Variants in MBNL1 observed in about 807,000 individuals in gnomAD.
MBNL1 encodes the protein muscleblind-like protein 1.
Under a neutral mutation model 42.2 loss-of-function variants are expected in MBNL1, and 8 were observed. The ratio of observed to expected loss-of-function variants is 0.19; its 90% CI spans 0.11 to 0.34. MBNL1 has a LOEUF of 0.34. MBNL1 is among the 10% of genes least tolerant of loss of function. MBNL1 has a pLI of 1.00. For missense variants in MBNL1, 309 were observed against 495.3 expected, an observed-to-expected ratio of 0.62 and a Z score of 3.57; for synonymous variants, 169 against 173.9, an observed-to-expected ratio of 0.97 and a Z score of 0.22.
At chr3:152,357,027 A>G (rs1378240628) in intron 2 of MBNL1, among the ~76,000 whole-genome samples, 1 of 152,094 alleles carries the variant, frequency 6.6e-6, no homozygotes, top group African/African-American at 2.4e-5. Context: ...CCAATTCACC[A>G]TGCTATTGAC....
chr3:152,277,705 A>T (rs2046095695), intron 1 of MBNL1, among the ~76,000 whole-genome samples: 1 of 152,136 alleles, frequency 6.6e-6, no homozygotes, highest in South Asian at 2.1e-4. Context: ...AGCTTTTTAC[A>T]AATAAATGGT....
chr3:152,410,645 A>G (rs963631843), intron 2 of MBNL1, among the ~76,000 whole-genome samples: 2 of 152,266 alleles, frequency 1.3e-5, no homozygotes, highest in African/African-American at 4.8e-5. Context: ...AAAAACCTCA[A>G]TTACTTTTCC....
chr3:152,314,269 A>G (rs1388321571), intron 2 of MBNL1, among the ~76,000 whole-genome samples: 1 of 151,116 alleles, frequency 6.6e-6, no homozygotes, highest in Non-Finnish European at 1.5e-5. Flanking sequence ...ATCCAAATCC[A>G]TAATACTCTG....
At chr3:152,447,495 G>C (rs1043900340) in intron 5 of MBNL1, 125 bp from the exon 6 acceptor site, 5 of 427,022 alleles carry the variant, frequency 1.2e-5, no homozygotes, top group Non-Finnish European at 2.1e-5. Flanking sequence ...TTTTTCCCTC[G>C]GGTAGTTAAG....
At chr3:152,383,794 C>CA (rs2097289188) in intron 2 of MBNL1, among the ~76,000 whole-genome samples, 1 of 151,976 alleles carries the variant, frequency 6.6e-6, no homozygotes, top group East Asian at 1.9e-4. Context: ...TAACACCTAG[C>CA]AAAAATGATT....
rs1206840185 is a variant in MBNL1, at chr3:152,386,391, T to C, written c.175-28550T>C. 2.0e-5 allele frequency among the ~76,000 whole-genome samples: 3 copies of C among 152,096 alleles called. No individual in the cohort carries two copies. The East Asian group carries it at 5.8e-4, about 29-fold the overall frequency. ...GAAGAGATAACATAACCTGTTCATA[T>C]TTTTCATAGAACATATTAAAGCCTG... On this transcript the variant is annotated intron_variant, in intron 2 of 9. Coordinates refer to ENST00000324210, the MANE Select transcript of MBNL1 (RefSeq NM_021038.5).
At chr3:152,289,618 CTTG>C (rs1014211386) in intron 1 of MBNL1, among the ~76,000 whole-genome samples, 20 of 151,870 alleles carry the variant, frequency 1.3e-4, no homozygotes, top group Admixed American at 9.8e-4. Context: ...ACTGATATAT[CTTG>C]TTATGAAGAA....
rs1749210127 is a variant in MBNL1 at position 152,464,294 on chromosome 3, C to G, written c.*1928C>G. The stretch of plus-strand genomic sequence containing the variant: ...CAGTTTTGAATTACATGTAGTGTCA[C>G]ATGAATATTCGTATTGTTAACTAAA... On this transcript the variant is annotated 3_prime_UTR_variant, in exon 10 of 10. Coordinates refer to ENST00000324210, the MANE Select transcript of MBNL1 (RefSeq NM_021038.5). The G allele has an allele frequency of 6.6e-6, 1 of 152,512 alleles. No homozygotes were observed. The highest frequency in any genetic ancestry group is 2.4e-5 in the African/African-American group (1 of 41,436). 9.4% of individuals were successfully genotyped at this position (152,512 alleles called of 1,614,324 possible).
chr3:152,291,387 G>A (rs2055883681), intron 1 of MBNL1, among the ~76,000 whole-genome samples: 1 of 152,090 alleles, frequency 6.6e-6, no homozygotes, highest in African/African-American at 2.4e-5. Flanking sequence ...AATCAAGGAG[G>A]TATTTAAATA....
intron 2 of MBNL1, among the ~76,000 whole-genome samples, chr3:152,352,509 C>T (rs956555548): frequency 1.3e-5 from 2 of 152,166 alleles, no homozygotes; most frequent in Non-Finnish European, 2.9e-5. Flanking sequence ...TTTTAAAACA[C>T]ATCGCCCTGT....
intron 2 of MBNL1, among the ~76,000 whole-genome samples, chr3:152,408,211 A>G (rs960214995): frequency 4.6e-5 from 7 of 152,226 alleles, no homozygotes; most frequent in Non-Finnish European, 1.0e-4. Flanking sequence ...TGATTTAAAC[A>G]TAGTAGATAC....
At chr3:152,340,581 A>G (rs2092899253) in intron 2 of MBNL1, 1 of 1,613,802 alleles carries the variant, frequency 6.2e-7, no homozygotes, top group South Asian at 1.1e-5. Flanking sequence ...GGATCTGTTC[A>G]CCATACATAC....
chr3:152,266,473 A>T (rs1013255664), upstream of MBNL1: 1 of 152,170 alleles, frequency 6.6e-6, no homozygotes, highest in African/African-American at 2.4e-5. Flanking sequence ...CCAAACAGCA[A>T]ATTTTCTAAC....
At chr3:152,305,094 C>CT (rs1284035247) in intron 2 of MBNL1, among the ~76,000 whole-genome samples, 1 of 152,150 alleles carries the variant, frequency 6.6e-6, no homozygotes, top group East Asian at 1.9e-4. Context: ...CAATGTGGCA[C>CT]TTACAGCTGA....
At chr3:152,376,436 C>T (rs2096903515) in intron 2 of MBNL1, among the ~76,000 whole-genome samples, 1 of 152,104 alleles carries the variant, frequency 6.6e-6, no homozygotes, top group South Asian at 2.1e-4. Context: ...CATAGTTAGA[C>T]TCTCTTAAAA....
At chr3:152,352,133 T>C (rs1347612449) in intron 2 of MBNL1, among the ~76,000 whole-genome samples, 1 of 152,156 alleles carries the variant, frequency 6.6e-6, no homozygotes, top group Non-Finnish European at 1.5e-5. Flanking sequence ...AAATGTGTTA[T>C]GTTAGCCAGT....
Position 152,382,425 on chromosome 3 carries a change from G to T in MBNL1, c.175-32516G>T, listed in dbSNP as rs530652035. 2.6e-5 allele frequency among the ~76,000 whole-genome samples: 4 copies of T among 152,090 alleles called. No homozygotes were observed. In the East Asian group the frequency reaches 7.7e-4, roughly 29 times the overall value. On this transcript the variant is annotated intron_variant, in intron 2 of 9. Coordinates refer to ENST00000324210, the MANE Select transcript of MBNL1 (RefSeq NM_021038.5). ...ACAAAAGCTGGAGAATTCATACGTT[G>T]TGTTAGCAAGAAAAAATAGATAATG... is the stretch of plus-strand genomic sequence containing the variant.
intron 2 of MBNL1, among the ~76,000 whole-genome samples, chr3:152,325,603 GGTAA>G (rs1445378889): frequency 6.6e-6 from 1 of 151,234 alleles, no homozygotes; most frequent in Admixed American, 6.6e-5. Context: ...TTTTGTAGTA[GGTAA>G]GTCAATTATT....
At chr3:152,434,985 T>C (rs758436965) in intron 4 of MBNL1, among the ~76,000 whole-genome samples, 6 of 152,216 alleles carry the variant, frequency 3.9e-5, no homozygotes, top group Non-Finnish European at 7.4e-5. Context: ...TCTCCCATTC[T>C]GTAGGCTGTT....
Sources: allele counts gnomAD v4.1 joint callset (sites outside exome capture counted in the v4.1 genomes callset), GRCh38; gene constraint gnomAD v4.1.1; transcripts MANE v1.5; gene names NCBI Gene and HGNC (gene_info 2026-07-23, HGNC 2026-07-21).